KALRN: variants seen among roughly 807,000 people sequenced by gnomAD.
The protein encoded by KALRN is kalirin.
In KALRN, 70 loss-of-function variants were observed where a neutral mutation model predicts 353.7. The ratio of observed to expected loss-of-function variants is 0.20; its 90% CI spans 0.16 to 0.24. The LOEUF is 0.24. KALRN is among the 10% of genes least tolerant of loss of function. The pLI is 1.00. For synonymous variants in KALRN, 1,391 were observed against 1,434.8 expected (o/e 0.97, Z 0.69); for missense variants, 2,791 against 3,756.7 (o/e 0.74, Z 6.72).
At chr3:124,692,842 T>A (rs1055432614) in intron 51 of KALRN, among the ~76,000 whole-genome samples, 1 of 152,248 alleles carries the variant, frequency 6.6e-6, no homozygotes, top group African/African-American at 2.4e-5. Flanking sequence ...GACCTCAGCC[T>A]ATCTCCAAAG....
intron 6 of KALRN, among the ~76,000 whole-genome samples, chr3:124,300,269 A>T (rs553260038): frequency 2.0e-5 from 3 of 152,216 alleles, no homozygotes; most frequent in Non-Finnish European, 2.9e-5. Context: ...GTAGATAATC[A>T]TGGTGCAGCT....
rs763064089 is a variant in KALRN, at chr3:124,719,483, C to A, written c.*13C>A. 2 of 1,604,538 alleles carry A rather than the reference C, an allele frequency of 1.2e-6. No individual in the cohort carries two copies. Among genetic ancestry groups the A allele is most frequent in the South Asian group, 1.1e-5 (1 of 89,918 alleles). On this transcript the variant is annotated 3_prime_UTR_variant, in exon 60 of 60. Coordinates refer to ENST00000682506, the MANE Select transcript of KALRN (RefSeq NM_001388419.1). This position sits in a 1 kb window ranked among gnomAD's most constrained non-coding sequence, Gnocchi z 5.3. ...CCAAGGGACGTAGCCATCTCCCAGC[C>A]CCTATGGTTTCACATAGACGTGCAG...
intron 1 of KALRN, among the ~76,000 whole-genome samples, chr3:124,133,189 C>T (rs2065507177): frequency 6.6e-6 from 1 of 152,082 alleles, no homozygotes; most frequent in Non-Finnish European, 1.5e-5. Flanking sequence ...GTGATTAAAA[C>T]TTCAGAACTG....
intron 33 of KALRN, among the ~76,000 whole-genome samples, chr3:124,503,323 C>T (rs770093978): frequency 5.3e-5 from 8 of 152,132 alleles, no homozygotes; most frequent in Non-Finnish European, 1.0e-4. Context: ...ACATCCCACA[C>T]CTGACAGCAT....
intron 3 of KALRN, among the ~76,000 whole-genome samples, chr3:124,238,033 T>C (rs969560878): frequency 6.6e-6 from 1 of 152,112 alleles, no homozygotes; most frequent in Admixed American, 6.5e-5. Flanking sequence ...TAGGAAGAAA[T>C]AGTCCCACTC....
chr3:124,069,416 C>A (rs1158527544), intron 1 of KALRN, among the ~76,000 whole-genome samples: 2 of 151,618 alleles, frequency 1.3e-5, no homozygotes, highest in African/African-American at 4.9e-5. Context: ...GACTGGGGAT[C>A]TCCCAGAGCT....
chr3:124,653,089 A>G (rs775261778), intron 38 of KALRN, among the ~76,000 whole-genome samples: 1 of 152,224 alleles, frequency 6.6e-6, no homozygotes, highest in Non-Finnish European at 1.5e-5. Flanking sequence ...ACCTCTTACT[A>G]TATCTCATCC....
At chr3:124,226,789 A>G (rs1209855597) in intron 1 of KALRN, among the ~76,000 whole-genome samples, 2 of 152,114 alleles carry the variant, frequency 1.3e-5, no homozygotes, top group Admixed American at 6.6e-5. Context: ...CCTGCCCAGC[A>G]TGTTGTTTTC....
chr3:124,480,671 C>A (rs2061893701), intron 27 of KALRN, among the ~76,000 whole-genome samples: 1 of 152,172 alleles, frequency 6.6e-6, no homozygotes, highest in Non-Finnish European at 1.5e-5. Flanking sequence ...CCTCACAAAG[C>A]AACCCTGTAT....
At chr3:124,043,764 A>C (rs541833893) in intron 1 of KALRN, among the ~76,000 whole-genome samples, 27 of 152,236 alleles carry the variant, frequency 1.8e-4, no homozygotes, top group African/African-American at 6.3e-4. Flanking sequence ...TAAAGTTAGC[A>C]ATCCGTTTAA....
intron 1 of KALRN, among the ~76,000 whole-genome samples, chr3:124,108,935 G>A (rs962558835): frequency 1.3e-5 from 2 of 152,110 alleles, no homozygotes; most frequent in East Asian, 3.9e-4. Context: ...TATAATTTGG[G>A]ATGCTTTTGG....
intron 33 of KALRN, chr3:124,518,294 G>C: frequency 4.3e-6 from 4 of 938,594 alleles, no homozygotes; most frequent in Non-Finnish European, 5.3e-6. Context: ...AAATACAGTA[G>C]GTTGCACTGA....
intron 5 of KALRN, among the ~76,000 whole-genome samples, chr3:124,294,255 T>A (rs753159236): frequency 1.3e-5 from 2 of 151,920 alleles, no homozygotes; most frequent in African/African-American, 2.4e-5. Flanking sequence ...GAGAAAGTCT[T>A]ACAGCCATAT....
intron 33 of KALRN, chr3:124,519,354 A>C: frequency 2.0e-6 from 2 of 985,456 alleles, no homozygotes; most frequent in Non-Finnish European, 2.4e-6. Flanking sequence ...TCCAGTTTCC[A>C]ACACACTCAA....
Position 124,722,579 on chromosome 3 carries a change from G to A in KALRN, c.*3109G>A, listed in dbSNP as rs897698019. 2.1e-4 allele frequency: 32 copies of A among 152,170 alleles called. No homozygotes were observed. Among genetic ancestry groups the A allele is most frequent in the African/African-American group, 7.5e-4 (31 of 41,436 alleles). The allele number at this position is 152,170 out of a possible 1,614,324, so 9.4% of individuals were successfully genotyped here. A position where few individuals can be genotyped will look rare whatever the true frequency, so the allele number is the denominator to read the frequency against. ...GTTCAAGAGTTCTCCACAGCAAGTTGGAAATAACAAGGAATCCCAGATGAT... is the reference window on the plus strand; with the variant it reads ...GTTCAAGAGTTCTCCACAGCAAGTTAGAAATAACAAGGAATCCCAGATGAT... On this transcript the variant is annotated 3_prime_UTR_variant, in exon 60 of 60. Coordinates refer to ENST00000682506, the MANE Select transcript of KALRN (RefSeq NM_001388419.1).
intron 2 of KALRN, among the ~76,000 whole-genome samples, chr3:124,233,432 A>T (rs1312722835): frequency 6.6e-6 from 1 of 152,162 alleles, no homozygotes; most frequent in African/African-American, 2.4e-5. Flanking sequence ...TAGTGGTATG[A>T]AAGGTCCAAC....
chr3:124,204,715 A>T (rs898430439), intron 1 of KALRN, among the ~76,000 whole-genome samples: 1 of 152,166 alleles, frequency 6.6e-6, no homozygotes, highest in Non-Finnish European at 1.5e-5. Context: ...TTCTTTTTTT[A>T]AAATAATCCC....
chr3:124,253,789 A>G (rs1404582999), intron 3 of KALRN, among the ~76,000 whole-genome samples: 1 of 152,186 alleles, frequency 6.6e-6, no homozygotes, highest in African/African-American at 2.4e-5. Flanking sequence ...ACATCTTCAC[A>G]CTGCTGATAC....
At chr3:124,326,438 G>A (rs2079921943) in intron 7 of KALRN, among the ~76,000 whole-genome samples, 1 of 152,186 alleles carries the variant, frequency 6.6e-6, no homozygotes, top group African/African-American at 2.4e-5. Context: ...CATTTTGCTT[G>A]GTAGTGGTTG....
Sources: gnomAD v4.1 joint callset for allele counts (sites outside exome capture counted in the v4.1 genomes callset) on GRCh38, gnomAD v4.1.1 for gene constraint, Gnocchi (gnomAD v3.1) non-coding constraint, MANE v1.5 for transcripts, NCBI Gene and HGNC (gene_info 2026-07-23, HGNC 2026-07-21) for gene names.